PPM1L: variants seen among roughly 807,000 people sequenced by gnomAD.
PPM1L encodes the protein protein phosphatase, Mg2+/Mn2+ dependent 1L, also known as protein phosphatase 1L.
PPM1L carries 13 observed loss-of-function variants against 31.4 expected under a neutral mutation model. The ratio of observed to expected loss-of-function variants is 0.41; its 90% CI spans 0.27 to 0.66. The LOEUF is 0.66. PPM1L is among the 30% of genes least tolerant of loss of function. The probability of loss-of-function intolerance (pLI) is 0.29; values close to 1 mark genes in which losing one functional copy is unlikely to be tolerated. For missense variants in PPM1L, 326 were observed against 453.7 expected (o/e 0.72, Z 2.56); for synonymous variants, 184 against 175.4 (o/e 1.05, Z -0.39).
chr3:160,927,643 C>T (rs560008383), intron 1 of PPM1L, among the ~76,000 whole-genome samples: 2 of 151,924 alleles, frequency 1.3e-5, no homozygotes, highest in South Asian at 2.1e-4. Flanking sequence ...CGTGTGCGTG[C>T]GCGCGCATGC....
In PPM1L at chr3:160,961,817, A is replaced by AGT. The variant is rs1715973895; in HGVS notation, c.484_485dup (p.Leu163TyrfsTer20). ...GGACTACGAGAAAGACAAAGAAAAT[A>AGT]GTGTATTATCTTACCAGACCATCCT... is the stretch of plus-strand genomic sequence containing the variant. On this transcript the variant is annotated frameshift_variant, in exon 2 of 4. Coordinates refer to ENST00000498165, the MANE Select transcript of PPM1L (RefSeq NM_139245.4). LOFTEE classifies it high-confidence loss of function. 1 of 1,602,442 alleles carries AGT rather than the reference A, an allele frequency of 6.2e-7. No homozygotes were observed. Among genetic ancestry groups the AGT allele is most frequent in the Non-Finnish European group, 8.5e-7 (1 of 1,175,180 alleles).
At chr3:160,848,392 T>C (rs1714149271) in intron 1 of PPM1L, among the ~76,000 whole-genome samples, 2 of 152,216 alleles carry the variant, frequency 1.3e-5, no homozygotes, top group African/African-American at 4.8e-5. Flanking sequence ...TTCCCGTTGC[T>C]TTCTTAATGG....
chr3:160,813,540 A>C (rs1259502385), intron 1 of PPM1L, among the ~76,000 whole-genome samples: 1 of 152,056 alleles, frequency 6.6e-6, no homozygotes, highest in Non-Finnish European at 1.5e-5. Context: ...GGGTTTCACC[A>C]TTTTGGCCAG....
intron 1 of PPM1L, among the ~76,000 whole-genome samples, chr3:160,917,606 C>G (rs1032111569): frequency 2.6e-5 from 4 of 151,972 alleles, no homozygotes; most frequent in African/African-American, 9.7e-5. Flanking sequence ...ATTTGTTTCC[C>G]CTGCCTGCAG....
At chr3:160,950,665 T>C (rs1414609548) in intron 1 of PPM1L, among the ~76,000 whole-genome samples, 2 of 152,224 alleles carry the variant, frequency 1.3e-5, no homozygotes, top group Non-Finnish European at 2.9e-5. Flanking sequence ...AGGAGATCTC[T>C]GGTGCTACTC....
intron 2 of PPM1L, among the ~76,000 whole-genome samples, chr3:161,061,502 C>T (rs1719567506): frequency 6.6e-6 from 1 of 152,152 alleles, no homozygotes; most frequent in Non-Finnish European, 1.5e-5. Context: ...ACAGTTGGCT[C>T]TTCATGTCCA....
intron 1 of PPM1L, among the ~76,000 whole-genome samples, chr3:160,840,176 C>T (rs1560122098): frequency 6.6e-6 from 1 of 152,134 alleles, no homozygotes; most frequent in Non-Finnish European, 1.5e-5. Flanking sequence ...TAAAATGTTT[C>T]CTTGGCAGCA....
intron 1 of PPM1L, among the ~76,000 whole-genome samples, chr3:160,774,802 A>G (rs1277988466): frequency 6.6e-6 from 1 of 152,102 alleles, no homozygotes; most frequent in Non-Finnish European, 1.5e-5. Context: ...CTCTCCTTTG[A>G]ATTTATGGTC....
chr3:161,058,303 T>G (rs1042812035), intron 2 of PPM1L, among the ~76,000 whole-genome samples: 4 of 151,348 alleles, frequency 2.6e-5, no homozygotes, highest in Admixed American at 6.6e-5. Context: ...TTTTGTATTT[T>G]TAGTAGAGAT....
At chr3:160,893,892 A>AT (rs1713241928) in intron 1 of PPM1L, among the ~76,000 whole-genome samples, 1 of 152,066 alleles carries the variant, frequency 6.6e-6, no homozygotes, top group Non-Finnish European at 1.5e-5. Context: ...TTGAATTTTG[A>AT]TTTTTTCCTA....
chr3:161,065,665 T>G lies in PPM1L; in HGVS notation c.736+101T>G, dbSNP rs1438186732. The stretch of plus-strand genomic sequence containing the variant: ...GATAAAATGTCCAGTTATGCAGTAT[T>G]AGAGAGGCTGCTACTGAGGTAACTG... On this transcript the variant is annotated intron_variant, in intron 3 of 3. Coordinates refer to ENST00000498165, the MANE Select transcript of PPM1L (RefSeq NM_139245.4). The G allele has an allele frequency of 3.6e-5, 38 of 1,049,200 alleles. No individual in the cohort carries two copies. The East Asian group carries it at 6.1e-4, about 17-fold the overall frequency. The allele number at this position is 1,049,200 out of a possible 1,614,324, so 65.0% of individuals were successfully genotyped here.
chr3:160,823,604 T>C (rs1560117189), intron 1 of PPM1L, among the ~76,000 whole-genome samples: 1 of 152,164 alleles, frequency 6.6e-6, no homozygotes, highest in Non-Finnish European at 1.5e-5. Context: ...TCATTATTGG[T>C]ATAGAAATGG....
chr3:160,976,598 C>T (rs1178253243), intron 2 of PPM1L, among the ~76,000 whole-genome samples: 2 of 151,630 alleles, frequency 1.3e-5, no homozygotes, highest in Non-Finnish European at 1.5e-5. Flanking sequence ...CTGGTTTAGT[C>T]TTGGGAGAGT....
intron 1 of PPM1L, among the ~76,000 whole-genome samples, chr3:160,894,416 A>G (rs571320933): frequency 6.6e-6 from 1 of 152,304 alleles, no homozygotes; most frequent in African/African-American, 2.4e-5. Flanking sequence ...TTTTTGAAGT[A>G]TGCAAGTTTT....
At chr3:160,967,897 C>T (rs900070339) in intron 2 of PPM1L, among the ~76,000 whole-genome samples, 1 of 152,014 alleles carries the variant, frequency 6.6e-6, no homozygotes, top group African/African-American at 2.4e-5. Context: ...TAGATGTCTT[C>T]TAGTTCTAAA....
At chr3:160,878,208 A>C (rs1434185373) in intron 1 of PPM1L, among the ~76,000 whole-genome samples, 1 of 152,224 alleles carries the variant, frequency 6.6e-6, no homozygotes. Flanking sequence ...ATATGCAAAC[A>C]AAAGGCTGTC....
chr3:160,833,784 T>A (rs1713597417), intron 1 of PPM1L, among the ~76,000 whole-genome samples: 1 of 152,108 alleles, frequency 6.6e-6, no homozygotes, highest in Non-Finnish European at 1.5e-5. Flanking sequence ...TTTAATTAGA[T>A]CTCATTTGTC....
At chr3:161,036,250 G>C (rs1718737929) in intron 2 of PPM1L, 1 of 152,062 alleles carries the variant, frequency 6.6e-6, no homozygotes, top group Non-Finnish European at 1.5e-5. Context: ...TGTATATAGG[G>C]AATAGTAATA....
chr3:160,778,498 C>T (rs919196386), intron 1 of PPM1L, among the ~76,000 whole-genome samples: 1 of 151,934 alleles, frequency 6.6e-6, no homozygotes, highest in Non-Finnish European at 1.5e-5. Context: ...GAATTACTTG[C>T]GGCTGTGGGA....
Sources: allele counts gnomAD v4.1 joint callset (sites outside exome capture counted in the v4.1 genomes callset), GRCh38; gene constraint gnomAD v4.1.1; transcripts MANE v1.5; gene names NCBI Gene and HGNC (gene_info 2026-07-23, HGNC 2026-07-21).